Variants in PLPP3 observed in about 807,000 individuals in gnomAD.
PLPP3 encodes PAP2 beta.
PLPP3 carries 6 observed loss-of-function variants against 29.6 expected under a neutral mutation model. That is an observed-to-expected ratio of 0.20 (90% CI 0.11 to 0.40). The LOEUF (loss-of-function observed/expected upper bound fraction) is 0.40, where lower values mean the gene tolerates loss of function less well. Among genes scored for constraint, PLPP3 ranks in the 10% least tolerant of loss-of-function variants. The pLI is 1.00. For synonymous variants in PLPP3, 152 were observed against 159.7 expected, an observed-to-expected ratio of 0.95 and a Z score of 0.36; for missense variants, 308 against 407.7, an observed-to-expected ratio of 0.76 and a Z score of 2.11.
chr1:56,557,021 AGAG>A (rs1557513605), intron 1 of PLPP3, among the ~76,000 whole-genome samples: 350 of 13,114 alleles, frequency 0.027, 55 homozygotes, highest in Middle Eastern at 0.12. Context: ...AGAGAGAGAG[AGAG>A]AAAGAGAGAG....
At chr1:56,545,007 C>T (rs1645995794) in intron 1 of PLPP3, among the ~76,000 whole-genome samples, 1 of 152,230 alleles carries the variant, frequency 6.6e-6, no homozygotes, top group South Asian at 2.1e-4. Flanking sequence ...TTCCTAACAA[C>T]TCCATGAAGT....
intron 1 of PLPP3, among the ~76,000 whole-genome samples, chr1:56,544,755 T>C (rs1350601856): frequency 6.6e-6 from 1 of 152,200 alleles, no homozygotes; most frequent in Admixed American, 6.5e-5. Context: ...TCTATTCACA[T>C]ATTAGCAACC....
chr1:56,533,092 T>G (rs1569886153), intron 2 of PLPP3, among the ~76,000 whole-genome samples: 1 of 151,658 alleles, frequency 6.6e-6, no homozygotes, highest in African/African-American at 2.4e-5. Flanking sequence ...TCTCATCCTG[T>G]CGCCCAGGCT....
At chr1:56,577,828 C>T (rs1348985057) in intron 1 of PLPP3, among the ~76,000 whole-genome samples, 1 of 152,076 alleles carries the variant, frequency 6.6e-6, no homozygotes, top group Admixed American at 6.5e-5. Context: ...GAAACTGAGG[C>T]CCATGAGGCA....
intron 4 of PLPP3, chr1:56,513,468 A>C (rs1645759456): frequency 6.6e-6 from 1 of 152,610 alleles, no homozygotes; most frequent in Admixed American, 6.5e-5. Context: ...GGCAGTGCTG[A>C]AGACATGAGT....
At chr1:56,530,581 A>G (rs1048255465) in intron 2 of PLPP3, among the ~76,000 whole-genome samples, 11 of 152,064 alleles carry the variant, frequency 7.2e-5, no homozygotes, top group South Asian at 2.1e-4. Context: ...CCCTTATCCC[A>G]TTGTCCATCC....
chr1:56,511,745 C>T (rs1305204535), intron 5 of PLPP3, among the ~76,000 whole-genome samples: 3 of 151,948 alleles, frequency 2.0e-5, no homozygotes, highest in Non-Finnish European at 4.4e-5. Flanking sequence ...TCTGTATTTA[C>T]AGAGATTTAC....
intron 5 of PLPP3, among the ~76,000 whole-genome samples, chr1:56,506,730 C>T (rs1645704552): frequency 6.6e-6 from 1 of 152,146 alleles, no homozygotes; most frequent in Admixed American, 6.5e-5. Context: ...CTGTAAAGTT[C>T]ACATCTTTGG....
At chr1:56,507,720 G>C (rs1645712841) in intron 5 of PLPP3, among the ~76,000 whole-genome samples, 1 of 152,210 alleles carries the variant, frequency 6.6e-6, no homozygotes, top group Non-Finnish European at 1.5e-5. Context: ...ATGAGATTAA[G>C]TTAAGATCTT....
In PLPP3 at chr1:56,550,317, C is replaced by T. The variant is rs184192520; in HGVS notation, c.140-13205G>A. ...TCCTAGGTGGTTTGTTATAGGAACC[C>T]TATTGTTCCAGAGGGAGGCTCTTTT... On this transcript the variant is annotated intron_variant, in intron 1 of 5. Transcript: ENST00000371250. Among the ~76,000 whole-genome samples the T allele has an allele frequency of 1.6e-3, 247 of 152,272 alleles. 1 individual carries two copies. Among genetic ancestry groups the T allele is most frequent in the African/African-American group, 5.7e-3 (235 of 41,550 alleles).
In PLPP3 at chr1:56,524,629, A is replaced by G; in HGVS notation, c.298-75T>C. 1 of 1,465,938 alleles carries G rather than the reference A, an allele frequency of 6.8e-7. No individual in the cohort carries two copies. The highest frequency in any genetic ancestry group is 9.4e-7 in the Non-Finnish European group (1 of 1,065,208). The allele number at this position is 1,465,938 out of a possible 1,614,324, so 90.8% of individuals were successfully genotyped here. A position where few individuals can be genotyped will look rare whatever the true frequency, so the allele number is the denominator to read the frequency against. ...ACACTGATGCCGTAACGGATATTCA[A>G]CAACACAGGAGAATATTCAGTATTT... On this transcript the variant is annotated intron_variant, in intron 2 of 5. Transcript: ENST00000371250. The surrounding 1 kb of genome is among the most constrained non-coding windows in gnomAD (Gnocchi z 4.3).
At chr1:56,497,151 C>A (rs943578808) in intron 5 of PLPP3, among the ~76,000 whole-genome samples, 1 of 152,238 alleles carries the variant, frequency 6.6e-6, no homozygotes, top group Non-Finnish European at 1.5e-5. Flanking sequence ...GCAGTGGTAA[C>A]TACTTTTTCC....
At chr1:56,535,311 G>A (rs555782263) in intron 2 of PLPP3, among the ~76,000 whole-genome samples, 62 of 152,280 alleles carry the variant, frequency 4.1e-4, no homozygotes, top group Non-Finnish European at 6.5e-4. Flanking sequence ...GGGGTTTCAA[G>A]GGTGAAATGC....
chr1:56,557,894 C>T (rs773229866), intron 1 of PLPP3, among the ~76,000 whole-genome samples: 3 of 152,180 alleles, frequency 2.0e-5, no homozygotes, highest in African/African-American at 7.2e-5. Context: ...TATTGCTCTG[C>T]GCTGCAGCCA....
At chr1:56,529,298 G>A (rs1645871685) in intron 2 of PLPP3, among the ~76,000 whole-genome samples, 2 of 152,114 alleles carry the variant, frequency 1.3e-5, no homozygotes. Flanking sequence ...CAATGGCATC[G>A]AGCTGGCTTT....
chr1:56,568,679 GC>G (rs1371727063), intron 1 of PLPP3, among the ~76,000 whole-genome samples: 2 of 152,194 alleles, frequency 1.3e-5, no homozygotes, highest in African/African-American at 4.8e-5. Context: ...AGGCTGGAGT[GC>G]AGTGGCGTGA....
chr1:56,513,249 G>C (rs996986353), intron 4 of PLPP3: 1 of 152,526 alleles, frequency 6.6e-6, no homozygotes, highest in East Asian at 1.9e-4. Flanking sequence ...ACGTCAACTG[G>C]GCATTGTCCC....
intron 5 of PLPP3, among the ~76,000 whole-genome samples, chr1:56,502,126 C>G (rs544262185): frequency 6.6e-6 from 1 of 152,254 alleles, no homozygotes; most frequent in South Asian, 2.1e-4. Context: ...AGCCAGGTTC[C>G]TCCTTTCATT....
At chr1:56,545,584 A>G (rs1211240596) in intron 1 of PLPP3, among the ~76,000 whole-genome samples, 1 of 152,224 alleles carries the variant, frequency 6.6e-6, no homozygotes, top group Non-Finnish European at 1.5e-5. Flanking sequence ...CGGAACCCTG[A>G]CATAGGGAAG....
Sources: gnomAD v4.1 joint callset for allele counts (sites outside exome capture counted in the v4.1 genomes callset) on GRCh38, gnomAD v4.1.1 for gene constraint, Gnocchi (gnomAD v3.1) non-coding constraint, MANE v1.5 for transcripts, NCBI Gene and HGNC (gene_info 2026-07-23, HGNC 2026-07-21) for gene names.